THADA: variants seen among roughly 807,000 people sequenced by gnomAD.
THADA encodes the protein tRNA (32-2'-O)-methyltransferase regulator THADA.
A neutral mutation model predicts 219.8 loss-of-function variants in THADA; 213 were observed. The observed-to-expected ratio is 0.97, with a 90% confidence interval of 0.87 to 1.09. THADA has a LOEUF of 1.09. Among genes scored for constraint, THADA ranks in the 50% least tolerant of loss-of-function variants. The pLI is 0.00. For missense variants in THADA, 2,956 were observed against 2,311.3 expected, an observed-to-expected ratio of 1.28 and a Z score of -5.72; for synonymous variants, 1,018 against 828.9, an observed-to-expected ratio of 1.23 and a Z score of -3.92.
intron 20 of THADA, among the ~76,000 whole-genome samples, chr2:43,543,931 C>T (rs1330129978): frequency 6.6e-6 from 1 of 152,008 alleles, no homozygotes; most frequent in Non-Finnish European, 1.5e-5. Context: ...GTGTTTTAGA[C>T]ATGAAGTCCT....
At chr2:43,517,226 A>G (rs1691833080) in intron 22 of THADA, among the ~76,000 whole-genome samples, 1 of 152,138 alleles carries the variant, frequency 6.6e-6, no homozygotes, top group Non-Finnish European at 1.5e-5. Context: ...GGAACTGGGG[A>G]AGTTTATTAC....
chr2:43,448,992 C>T (rs1376075341), intron 26 of THADA, among the ~76,000 whole-genome samples: 1 of 151,994 alleles, frequency 6.6e-6, no homozygotes, highest in Non-Finnish European at 1.5e-5. Flanking sequence ...CAGGAACTGG[C>T]CCTGAGAAAG....
chr2:43,281,926 C>A (rs1306506174), intron 35 of THADA, among the ~76,000 whole-genome samples: 1 of 152,144 alleles, frequency 6.6e-6, no homozygotes, highest in East Asian at 1.9e-4. Flanking sequence ...TACACCACCA[C>A]ATCTGGCTAA....
intron 27 of THADA, among the ~76,000 whole-genome samples, chr2:43,428,510 T>A (rs372467501): frequency 1.2e-3 from 179 of 152,110 alleles, no homozygotes; most frequent in African/African-American, 4.2e-3. Context: ...GAGGCTGAGG[T>A]GGGAGAATCA....
intron 14 of THADA, among the ~76,000 whole-genome samples, chr2:43,568,503 T>G (rs1267635194): frequency 6.6e-6 from 1 of 152,186 alleles, no homozygotes; most frequent in Non-Finnish European, 1.5e-5. Context: ...CTGACTCAGA[T>G]TAAGACTCAA....
intron 36 of THADA, among the ~76,000 whole-genome samples, chr2:43,264,955 G>A (rs988118005): frequency 6.6e-6 from 1 of 152,226 alleles, no homozygotes; most frequent in Non-Finnish European, 1.5e-5. Flanking sequence ...CTTTCAGCAT[G>A]GATGGAAGGG....
intron 36 of THADA, among the ~76,000 whole-genome samples, chr2:43,278,886 A>C (rs1673023551): frequency 6.6e-6 from 1 of 152,138 alleles, no homozygotes; most frequent in African/African-American, 2.4e-5. Context: ...CTGTCTATTA[A>C]GGTGAACTTC....
chr2:43,344,517 T>A (rs1246986690), intron 29 of THADA, among the ~76,000 whole-genome samples: 1 of 152,190 alleles, frequency 6.6e-6, no homozygotes, highest in Non-Finnish European at 1.5e-5. Flanking sequence ...GTTTATTAGT[T>A]ACAAACAACC....
At chr2:43,521,031 A>C (rs1692384058) in intron 22 of THADA, among the ~76,000 whole-genome samples, 2 of 129,268 alleles carry the variant, frequency 1.5e-5, no homozygotes, top group Admixed American at 7.5e-5. Context: ...GAGGGAAGGA[A>C]TGAAGGGAAG....
At position 43,583,034 on chromosome 2, in the gene THADA, C is replaced by T. The variant is rs148637201; in HGVS notation, c.534-1106G>A. Among the ~76,000 whole-genome samples, 188 of 152,308 alleles carry T rather than the reference C, an allele frequency of 1.2e-3. 1 individual carries two copies. Among genetic ancestry groups the T allele is most frequent in the Admixed American group, 3.0e-3 (46 of 15,296 alleles). ...TCTTCTTTTCTCCATCTAATTCTCTCCTTTGCTGATCTCTTTTAGCTCATC... is the reference window on the plus strand; with the variant it reads ...TCTTCTTTTCTCCATCTAATTCTCTTCTTTGCTGATCTCTTTTAGCTCATC... On this transcript the variant is annotated intron_variant, in intron 7 of 37. Coordinates refer to ENST00000405975, the MANE Select transcript of THADA (RefSeq NM_022065.5).
At chr2:43,496,240 T>C (rs2105052081) in intron 25 of THADA, among the ~76,000 whole-genome samples, 1 of 152,328 alleles carries the variant, frequency 6.6e-6, no homozygotes, top group East Asian at 1.9e-4. Context: ...ATTATTCTCC[T>C]TACTCTAGAA....
At chr2:43,408,401 T>C (rs1337396902) in intron 28 of THADA, 1 of 152,180 alleles carries the variant, frequency 6.6e-6, no homozygotes, top group African/African-American at 2.4e-5. Flanking sequence ...TAAAGACAAG[T>C]TTGAACTGCC....
intron 31 of THADA, among the ~76,000 whole-genome samples, chr2:43,298,078 C>T (rs868815343): frequency 1.2e-5 from 1 of 80,536 alleles, no homozygotes; most frequent in Non-Finnish European, 2.3e-5. Context: ...TGCCCGGCCA[C>T]CACCCCGTCT....
At chr2:43,420,984 GA>G (rs1677642661) in intron 28 of THADA, among the ~76,000 whole-genome samples, 1 of 152,156 alleles carries the variant, frequency 6.6e-6, no homozygotes, top group African/African-American at 2.4e-5. Context: ...CCAGCAATAG[GA>G]AACAACCTTC....
At chr2:43,348,135 A>T (rs1304915447) in intron 29 of THADA, among the ~76,000 whole-genome samples, 1 of 152,180 alleles carries the variant, frequency 6.6e-6, no homozygotes, top group African/African-American at 2.4e-5. Context: ...TTTTAAATCA[A>T]CCTTTATGAA....
intron 27 of THADA, among the ~76,000 whole-genome samples, chr2:43,428,485 A>G (rs1203462985): frequency 6.6e-6 from 1 of 152,128 alleles, no homozygotes; most frequent in African/African-American, 2.4e-5. Context: ...CATGCCTGTA[A>G]TTCCAGCTAC....
At chr2:43,548,193 C>T (rs932759520) in intron 20 of THADA, among the ~76,000 whole-genome samples, 1 of 152,160 alleles carries the variant, frequency 6.6e-6, no homozygotes, top group Non-Finnish European at 1.5e-5. Context: ...TTTTGTGAAC[C>T]GCGAATGCTG....
chr2:43,419,885 C>T (rs1048700231), intron 28 of THADA, among the ~76,000 whole-genome samples: 3 of 152,204 alleles, frequency 2.0e-5, no homozygotes, highest in Non-Finnish European at 4.4e-5. Flanking sequence ...AGGACAAATA[C>T]TGTTCTTTAT....
chr2:43,337,464 AAGCTTGGCAC>A (rs1328285673), intron 30 of THADA, among the ~76,000 whole-genome samples: 7 of 152,228 alleles, frequency 4.6e-5, no homozygotes, highest in Admixed American at 1.3e-4. Context: ...TCCTCATACG[AAGCTTGGCAC>A]AGAGTAAGCA....
Sources: allele counts gnomAD v4.1 joint callset (sites outside exome capture counted in the v4.1 genomes callset), GRCh38; gene constraint gnomAD v4.1.1; transcripts MANE v1.5; gene names NCBI Gene and HGNC (gene_info 2026-07-23, HGNC 2026-07-21).